RGS6: variants seen among roughly 807,000 people sequenced by gnomAD.
The protein encoded by RGS6 is regulator of G-protein signaling 6.
In RGS6, 30 loss-of-function variants were observed where a neutral mutation model predicts 78.5. The ratio of observed to expected loss-of-function variants is 0.38; its 90% CI spans 0.29 to 0.52. RGS6 has a LOEUF of 0.52. Among genes scored for constraint, RGS6 ranks in the 20% least tolerant of loss-of-function variants. The pLI, the probability that RGS6 is intolerant of heterozygous loss-of-function variation, is 0.85. For missense variants in RGS6, 495 were observed against 609.7 expected (o/e 0.81, Z 1.98); for synonymous variants, 206 against 206.0 (o/e 1.00, Z 0.00).
At chr14:72,414,908 T>C (rs2093690730) in intron 3 of RGS6, among the ~76,000 whole-genome samples, 1 of 152,202 alleles carries the variant, frequency 6.6e-6, no homozygotes, top group African/African-American at 2.4e-5. Context: ...ATCGTTCCTC[T>C]GGAAGTTTTG....
At chr14:72,553,732 C>T (rs2097536106) in intron 17 of RGS6, among the ~76,000 whole-genome samples, 1 of 152,206 alleles carries the variant, frequency 6.6e-6, no homozygotes, top group Non-Finnish European at 1.5e-5. Flanking sequence ...TTTGAAGATG[C>T]TTCTAAATCC....
intron 2 of RGS6, among the ~76,000 whole-genome samples, chr14:72,334,426 G>T (rs2075663218): frequency 6.6e-6 from 1 of 152,176 alleles, no homozygotes; most frequent in Non-Finnish European, 1.5e-5. Flanking sequence ...CAAGCCACAG[G>T]GCTCTGCTCC....
At chr14:72,544,144 G>A (rs938532515) in intron 17 of RGS6, among the ~76,000 whole-genome samples, 2 of 152,184 alleles carry the variant, frequency 1.3e-5, no homozygotes, top group African/African-American at 2.4e-5. Flanking sequence ...AGGAGCATGC[G>A]TGGGAGGGAG....
intron 2 of RGS6, among the ~76,000 whole-genome samples, chr14:72,122,919 A>G (rs1325566698): frequency 6.6e-6 from 1 of 152,164 alleles, no homozygotes; most frequent in African/African-American, 2.4e-5. Flanking sequence ...CATCATTAAG[A>G]TAAGATTACC....
At chr14:72,040,268 C>T (rs2092271338) in intron 2 of RGS6, among the ~76,000 whole-genome samples, 1 of 152,012 alleles carries the variant, frequency 6.6e-6, no homozygotes, top group African/African-American at 2.4e-5. Flanking sequence ...TATCTAGGAT[C>T]CTTTCATTTG....
chr14:72,067,755 G>A (rs1351881758), intron 2 of RGS6, among the ~76,000 whole-genome samples: 1 of 152,084 alleles, frequency 6.6e-6, no homozygotes, highest in Non-Finnish European at 1.5e-5. Context: ...TGTAGGTCTG[G>A]CCTTGCTTTT....
chr14:72,050,420 T>A (rs549968639), intron 2 of RGS6, among the ~76,000 whole-genome samples: 1 of 152,222 alleles, frequency 6.6e-6, no homozygotes, highest in Non-Finnish European at 1.5e-5. Context: ...AACTTGATGT[T>A]GTAAATTAAT....
intron 2 of RGS6, among the ~76,000 whole-genome samples, chr14:72,265,541 G>A (rs564010105): frequency 1.7e-4 from 26 of 152,190 alleles, no homozygotes; most frequent in Non-Finnish European, 2.4e-4. Flanking sequence ...TAGTAGTGAC[G>A]TTGCTAGAGG....
chr14:72,456,337 C>T (rs1402204728), intron 4 of RGS6, among the ~76,000 whole-genome samples: 1 of 152,246 alleles, frequency 6.6e-6, no homozygotes, highest in Non-Finnish European at 1.5e-5. Flanking sequence ...GTCACCCAGG[C>T]TAGAGTGCAG....
intron 2 of RGS6, among the ~76,000 whole-genome samples, chr14:72,072,686 A>G (rs2094449506): frequency 6.6e-6 from 1 of 152,210 alleles, no homozygotes; most frequent in Non-Finnish European, 1.5e-5. Context: ...TGGTTTACTT[A>G]TTAGTTCACA....
At chr14:72,614,360 A>G in the RGS6 span, among the ~76,000 whole-genome samples, 98,945 of 152,042 alleles carry the variant, frequency 0.65, 33,394 homozygotes, top group East Asian at 0.99. Context: ...CCAAAAGCAT[A>G]CTTTGGGGAT....
chr14:72,174,515 A>T (rs139519642), intron 2 of RGS6, among the ~76,000 whole-genome samples: 110 of 152,302 alleles, frequency 7.2e-4, no homozygotes, highest in African/African-American at 2.4e-3. Flanking sequence ...GGTATCAGGA[A>T]AAATTGTTTT....
At chr14:72,468,223 C>G (rs992691435) in intron 7 of RGS6, among the ~76,000 whole-genome samples, 2 of 151,932 alleles carry the variant, frequency 1.3e-5, no homozygotes, top group Non-Finnish European at 2.9e-5. Flanking sequence ...ACTAAAAATA[C>G]AAAAAATTAG....
At chr14:72,302,548 A>G (rs1051685751) in intron 2 of RGS6, among the ~76,000 whole-genome samples, 8 of 152,184 alleles carry the variant, frequency 5.3e-5, no homozygotes, top group African/African-American at 1.4e-4. Context: ...GGAAACCCAT[A>G]CAAAACTCAT....
intron 11 of RGS6, 86 bp downstream of exon 11, chr14:72,476,926 A>G (rs1329764177): frequency 3.3e-6 from 4 of 1,220,678 alleles, no homozygotes; most frequent in Non-Finnish European, 4.7e-6. Context: ...AAGATTGAGC[A>G]AGCTTTGAGT....
At chr14:71,897,707 G>A in the RGS6 span, among the ~76,000 whole-genome samples, 1 of 151,964 alleles carries the variant, frequency 6.6e-6, no homozygotes, top group Non-Finnish European at 1.5e-5. Context: ...TTTTAGTAGC[G>A]ATGGGGTTTC....
At chr14:72,377,886 G>A (rs1671513060) in intron 3 of RGS6, among the ~76,000 whole-genome samples, 1 of 152,198 alleles carries the variant, frequency 6.6e-6, no homozygotes, top group Admixed American at 6.5e-5. Context: ...GCTGAGGTGG[G>A]AGGCTCTCTT....
At chr14:72,176,502 G>A (rs748279574) in intron 2 of RGS6, among the ~76,000 whole-genome samples, 10 of 152,202 alleles carry the variant, frequency 6.6e-5, no homozygotes, top group Admixed American at 2.0e-4. Context: ...TGAGCGCATA[G>A]CCATGCACCG....
At chr14:72,490,002 T>C (rs1598276835) in intron 12 of RGS6, among the ~76,000 whole-genome samples, 1 of 152,206 alleles carries the variant, frequency 6.6e-6, no homozygotes, top group Non-Finnish European at 1.5e-5. Context: ...TGTAGCCTGG[T>C]CCTTCCTGCC....
Sources: allele counts gnomAD v4.1 joint callset (sites outside exome capture counted in the v4.1 genomes callset), GRCh38; gene constraint gnomAD v4.1.1; transcripts MANE v1.5; gene names NCBI Gene and HGNC (gene_info 2026-07-23, HGNC 2026-07-21).